Variants in MB21D2 observed in about 807,000 individuals in gnomAD.
MB21D2 encodes Mab-21 domain containing 2, also known as nucleotidyltransferase MB21D2.
A neutral mutation model predicts 33.3 loss-of-function variants in MB21D2; 9 were observed. That is an observed-to-expected ratio of 0.27 (90% CI 0.16 to 0.47). The LOEUF is 0.47. Ranked by LOEUF, MB21D2 falls within the 20% of genes least tolerant of loss-of-function variation. The pLI is 0.99. For synonymous variants in MB21D2, 241 were observed against 236.3 expected, an observed-to-expected ratio of 1.02 and a Z score of -0.18; for missense variants, 540 against 624.6, an observed-to-expected ratio of 0.86 and a Z score of 1.44.
At chr3:192,917,581 C>T in intron 1 of MB21D2, 49 bp downstream of exon 1, 1 of 1,594,394 alleles carries the variant, frequency 6.3e-7, no homozygotes, top group East Asian at 2.2e-5. Flanking sequence ...TACTCCGCTT[C>T]CCATCACACA....
chr3:192,900,791 A>G (rs1466566312), intron 1 of MB21D2, among the ~76,000 whole-genome samples: 2 of 152,076 alleles, frequency 1.3e-5, no homozygotes, highest in African/African-American at 4.8e-5. Flanking sequence ...AAATACAAAA[A>G]TTAGCCAGGT....
chr3:192,805,004 G>A (rs371747707), intron 1 of MB21D2, among the ~76,000 whole-genome samples: 1 of 152,150 alleles, frequency 6.6e-6, no homozygotes, highest in Admixed American at 6.5e-5. Context: ...AGAAAAAACT[G>A]GTTCCAAGAG....
At chr3:192,807,638 G>A (rs1459117401) in intron 1 of MB21D2, among the ~76,000 whole-genome samples, 2 of 152,076 alleles carry the variant, frequency 1.3e-5, no homozygotes, top group Admixed American at 1.3e-4. Flanking sequence ...TCTACATTTT[G>A]GAAGAAAAAT....
intron 1 of MB21D2, among the ~76,000 whole-genome samples, chr3:192,817,860 C>T (rs1711960403): frequency 6.6e-6 from 1 of 151,846 alleles, no homozygotes. Context: ...GCCCCCATCT[C>T]CATAGCCAAG....
intron 1 of MB21D2, among the ~76,000 whole-genome samples, chr3:192,898,680 C>A (rs1490651012): frequency 6.6e-6 from 1 of 152,154 alleles, no homozygotes. Flanking sequence ...AACAGATACA[C>A]AAAAGGCCAT....
At chr3:192,820,542 TTC>T (rs1281021328) in intron 1 of MB21D2, among the ~76,000 whole-genome samples, 1 of 152,228 alleles carries the variant, frequency 6.6e-6, no homozygotes. Flanking sequence ...CACCTTTTTC[TTC>T]TGTTATTGAT....
intron 1 of MB21D2, 68 bp downstream of exon 1, chr3:192,917,562 T>C: frequency 6.5e-7 from 1 of 1,549,360 alleles, no homozygotes; most frequent in Non-Finnish European, 8.9e-7. Flanking sequence ...GAAGCGGCAA[T>C]GGGTTTTCTA....
chr3:192,911,745 C>A (rs976990888), intron 1 of MB21D2, among the ~76,000 whole-genome samples: 2 of 152,172 alleles, frequency 1.3e-5, no homozygotes, highest in African/African-American at 4.8e-5. Context: ...GGACGAAGGG[C>A]AGCCACTGCC....
intron 1 of MB21D2, among the ~76,000 whole-genome samples, chr3:192,851,278 T>C (rs1424590976): frequency 1.3e-5 from 2 of 152,096 alleles, no homozygotes; most frequent in Non-Finnish European, 2.9e-5. Context: ...TGCAATTCCA[T>C]TTATATGAAA....
chr3:192,803,365 C>T (rs1293316825), intron 1 of MB21D2, among the ~76,000 whole-genome samples: 3 of 152,048 alleles, frequency 2.0e-5, no homozygotes, highest in Non-Finnish European at 4.4e-5. Flanking sequence ...CTTCTTATTC[C>T]TTTTAAAGTG....
intron 1 of MB21D2, among the ~76,000 whole-genome samples, chr3:192,855,670 T>C (rs1359836827): frequency 6.6e-6 from 1 of 152,244 alleles, no homozygotes; most frequent in African/African-American, 2.4e-5. Flanking sequence ...ACTAGGTCTG[T>C]ATACTCTAGA....
intron 1 of MB21D2, among the ~76,000 whole-genome samples, chr3:192,893,584 C>T (rs1174909494): frequency 2.0e-5 from 3 of 152,222 alleles, no homozygotes; most frequent in African/African-American, 7.2e-5. Context: ...TTTCCTCAAA[C>T]ATCTGGGAAA....
intron 1 of MB21D2, among the ~76,000 whole-genome samples, chr3:192,863,730 G>T (rs1019716803): frequency 6.6e-6 from 1 of 152,100 alleles, no homozygotes; most frequent in Non-Finnish European, 1.5e-5. Context: ...AGGCCAGGTC[G>T]TAAGAGCAGA....
intron 1 of MB21D2, among the ~76,000 whole-genome samples, chr3:192,850,085 AT>A (rs1712766650): frequency 6.6e-6 from 1 of 151,858 alleles, no homozygotes; most frequent in Non-Finnish European, 1.5e-5. Context: ...CACCAGGCTA[AT>A]TTTTTGCATT....
chr3:192,857,986 A>G (rs1712955438), intron 1 of MB21D2, among the ~76,000 whole-genome samples: 1 of 152,058 alleles, frequency 6.6e-6, no homozygotes, highest in Non-Finnish European at 1.5e-5. Context: ...TTAGCCGGGC[A>G]TGGTGGTGCA....
rs143282485 is a variant in MB21D2, at chr3:192,810,901, G to A, written c.212-11251C>T. On this transcript the variant is annotated intron_variant, in intron 1 of 1. Coordinates refer to ENST00000392452, the MANE Select transcript of MB21D2 (RefSeq NM_178496.4). ...TATGCTTGTGTGTGTGTGTGTGTGC[G>A]CACGCACATGTGCGTATGACTTTGT... is the stretch of plus-strand genomic sequence containing the variant. Among the ~76,000 whole-genome samples the A allele has an allele frequency of 2.1e-3, 318 of 150,358 alleles. 2 individuals carry two copies. In the South Asian group the frequency reaches 0.023, roughly 11 times the overall value.
Position 192,855,302 on chromosome 3 carries a change from T to C in MB21D2, c.212-55652A>G, listed in dbSNP as rs545239756. Among the ~76,000 whole-genome samples the C allele has an allele frequency of 3.3e-5, 5 of 152,310 alleles. No homozygotes were observed. In the East Asian group the frequency reaches 9.6e-4, roughly 29 times the overall value. ...TTAGTAGAGACGGGGTTTCACCACG[T>C]TGGCAAGGCTGGTCTCTAACTCCTG... On this transcript the variant is annotated intron_variant, in intron 1 of 1. Transcript: ENST00000392452.
intron 1 of MB21D2, among the ~76,000 whole-genome samples, chr3:192,906,055 T>C (rs1714209589): frequency 6.6e-6 from 1 of 152,162 alleles, no homozygotes; most frequent in African/African-American, 2.4e-5. Flanking sequence ...ATTATACATA[T>C]GAAAGCATTT....
chr3:192,822,677 C>T (rs545724915), intron 1 of MB21D2, among the ~76,000 whole-genome samples: 4 of 152,246 alleles, frequency 2.6e-5, no homozygotes, highest in African/African-American at 9.6e-5. Flanking sequence ...TTTCTGCGTG[C>T]AAAACAGAAA....
Sources: gnomAD v4.1 joint callset for allele counts (sites outside exome capture counted in the v4.1 genomes callset) on GRCh38, gnomAD v4.1.1 for gene constraint, MANE v1.5 for transcripts, NCBI Gene and HGNC (gene_info 2026-07-23, HGNC 2026-07-21) for gene names.